Variants in TRPV1 observed in about 807,000 individuals in gnomAD.
The protein encoded by TRPV1 is OTRPC1.
A neutral mutation model predicts 82.3 loss-of-function variants in TRPV1; 82 were observed. That is an observed-to-expected ratio of 1.00 (90% CI 0.83 to 1.20). The LOEUF (loss-of-function observed/expected upper bound fraction) is 1.20, where lower values mean the gene tolerates loss of function less well. TRPV1 is among the 50% of genes most tolerant of loss of function. TRPV1 has a pLI of 0.00. For missense variants in TRPV1, 1,067 were observed against 1,096.8 expected (o/e 0.97, Z 0.38); for synonymous variants, 515 against 467.7 (o/e 1.10, Z -1.30).
chr17:3,569,919 T>TGGTCAGGGAGGAGGGGCCAAGG lies in TRPV1; in HGVS notation c.2347+1583_2347+1604dup, dbSNP rs1402476265. ...AAGGGGTTAGGGGCCAGGGGCCAAG[T>TGGTCAGGGAGGAGGGGCCAAGG]GGTCAGGGAGGAGGGGCCAAGGGGT... On this transcript the variant is annotated intron_variant, in intron 16 of 16. Coordinates refer to ENST00000572705, the MANE Select transcript of TRPV1 (RefSeq NM_080704.4). 3.8e-3 allele frequency among the ~76,000 whole-genome samples: 203 copies of TGGTCAGGGAGGAGGGGCCAAGG among 53,058 alleles called. 19 individuals are homozygous for TGGTCAGGGAGGAGGGGCCAAGG. Among genetic ancestry groups the TGGTCAGGGAGGAGGGGCCAAGG allele is most frequent in the East Asian group, 0.017 (17 of 988 alleles). 34.8% of individuals were successfully genotyped at this position (53,058 alleles called of 152,430 possible). A position where few individuals can be genotyped will look rare whatever the true frequency, so the allele number is the denominator to read the frequency against.
chr17:3,580,714 T>C (rs1039059172), intron 10 of TRPV1, among the ~76,000 whole-genome samples, 187 bp from the exon 11 acceptor site: 1 of 152,088 alleles, frequency 6.6e-6, no homozygotes, highest in Non-Finnish European at 1.5e-5. Context: ...TCAGTAGAGA[T>C]GGTTAAAAAT....
chr17:3,587,852 T>C (rs2075103453), intron 8 of TRPV1, among the ~76,000 whole-genome samples: 1 of 105,402 alleles, frequency 9.5e-6, no homozygotes, highest in South Asian at 3.0e-4. Context: ...TGCCATCAAG[T>C]GAAAAAAAAA....
chr17:3,603,813 AC>A (rs1250069297), intron 2 of TRPV1, among the ~76,000 whole-genome samples: 1 of 152,182 alleles, frequency 6.6e-6, no homozygotes, highest in African/African-American at 2.4e-5. Flanking sequence ...ACTTTCAAAG[AC>A]TTGGCCTGTC....
chr17:3,598,418 T>C (rs1436506607), intron 2 of TRPV1, among the ~76,000 whole-genome samples: 2 of 152,108 alleles, frequency 1.3e-5, no homozygotes, highest in Admixed American at 1.3e-4. Context: ...GAGACTGTCA[T>C]ACCCATTTTA....
At chr17:3,571,334 T>C (rs866973165) in intron 16 of TRPV1, among the ~76,000 whole-genome samples, 190 bp downstream of exon 16, 4 of 152,168 alleles carry the variant, frequency 2.6e-5, no homozygotes, top group Admixed American at 6.5e-5. Flanking sequence ...CCGTCAGCCG[T>C]GACAGCATGA....
At chr17:3,571,755 C>T (rs577169267) in intron 15 of TRPV1, 116 bp from the exon 16 acceptor site, 20 of 788,844 alleles carry the variant, frequency 2.5e-5, no homozygotes, top group Admixed American at 1.2e-4. Context: ...TGTGGTGGGT[C>T]GGGGAGGGCA....
chr17:3,592,279 G>C lies in TRPV1; in HGVS notation c.72C>G (p.Pro24=). The change falls in exon 3 of 17, where the codon CCC becomes CCG. Residue 24 remains proline, a synonymous_variant. Transcript: ENST00000572705. ...DPLQKDTCPD[P]LDGDPNSRPP... is the part of the protein sequence containing the mutation. ...GCCTGGAGTTAGGGTCTCCATCCAGGGGGTCTGGGCAGGTGTCCTTTTGGA... is the reference window on the plus strand; with the variant it reads ...GCCTGGAGTTAGGGTCTCCATCCAGCGGGTCTGGGCAGGTGTCCTTTTGGA... 6.2e-7 allele frequency: 1 copy of C among 1,605,738 alleles called. No homozygotes were observed.
chr17:3,572,208 C>G lies in TRPV1; in HGVS notation c.2145G>C (p.Lys715Asn). The G allele has an allele frequency of 6.2e-7, 1 of 1,611,904 alleles. No homozygotes were observed. Among genetic ancestry groups the G allele is most frequent in the Middle Eastern group, 1.7e-4 (1 of 6,060 alleles). ...TILDTEKSFL[K>N]CMRKAFRSGK... ...CTGAGCGGAAGGCCTTCCTCATGCA[C>G]TTAAGGAAGCTCTTCTCCGTGTCCA... The change falls in exon 15 of 17, where the codon AAG becomes AAC. Residue 715 changes from lysine to asparagine, a missense_variant. Transcript: ENST00000572705.
intron 10 of TRPV1, 99 bp downstream of exon 10, chr17:3,583,239 T>C (rs1425097250): frequency 9.6e-7 from 1 of 1,038,234 alleles, no homozygotes; most frequent in Non-Finnish European, 1.4e-6. Context: ...AGGGCTATGA[T>C]GTGTCTGATG....
At chr17:3,568,070 C>G (rs2074794304) in intron 16 of TRPV1, among the ~76,000 whole-genome samples, 1 of 152,182 alleles carries the variant, frequency 6.6e-6, no homozygotes, top group East Asian at 1.9e-4. Flanking sequence ...CGCCTGTAAT[C>G]CCAGCACTGT....
At chr17:3,568,815 G>T (rs976118694) in intron 16 of TRPV1, among the ~76,000 whole-genome samples, 2 of 152,058 alleles carry the variant, frequency 1.3e-5, no homozygotes, top group Admixed American at 6.6e-5. Context: ...ACCAAGGTGC[G>T]CAGATCACCT....
At position 3,566,497 on chromosome 17, in the gene TRPV1, A is replaced by T; in HGVS notation, c.*318T>A. On this transcript the variant is annotated 3_prime_UTR_variant, in exon 17 of 17. Transcript: ENST00000572705. ...TGAGAAGAGTGAAATTCTGTCTCAA[A>T]AAAAAGAATAAAATCAAAGAAAACA... 5.3e-6 allele frequency: 1 copy of T among 190,172 alleles called. No homozygotes were observed. The highest frequency in any genetic ancestry group is 1.1e-5 in the Non-Finnish European group (1 of 93,528). The allele number at this position is 190,172 out of a possible 1,614,324, so 11.8% of individuals were successfully genotyped here.
intron 2 of TRPV1, among the ~76,000 whole-genome samples, chr17:3,596,301 A>G (rs558473834): frequency 8.6e-6 from 1 of 116,206 alleles, no homozygotes; most frequent in East Asian, 2.0e-4. Context: ...CAAAGCATCC[A>G]TCCATCCATC....
chr17:3,591,880 C>A (rs924949096), intron 3 of TRPV1, among the ~76,000 whole-genome samples, 187 bp downstream of exon 3: 11 of 152,232 alleles, frequency 7.2e-5, no homozygotes, highest in Non-Finnish European at 1.5e-4. Context: ...AGACCCAGCA[C>A]AGACACCAGC....
intron 7 of TRPV1, chr17:3,588,913 C>T (rs1267009602): frequency 2.0e-6 from 3 of 1,535,726 alleles, no homozygotes; most frequent in African/African-American, 2.7e-5. Context: ...ACGGCGAGGC[C>T]CCAGCTCTAC....
At position 3,592,287 on chromosome 17, in the gene TRPV1, GGCAGGTGTCCTTTTGGAGTGGGTCC is replaced by G. The variant is rs1567672205; in HGVS notation, c.39_63del (p.Asp14GlnfsTer139). ...TTAGGGTCTCCATCCAGGGGGTCTGGGCAGGTGTCCTTTTGGAGTGGGTCCGCAGCTGCCCCCAAGTCTGTGCTGC... is the reference window on the plus strand; with the variant it reads ...TTAGGGTCTCCATCCAGGGGGTCTGGGCAGCTGCCCCCAAGTCTGTGCTGC... On this transcript the variant is annotated frameshift_variant, in exon 3 of 17. Coordinates refer to ENST00000572705, the MANE Select transcript of TRPV1 (RefSeq NM_080704.4). LOFTEE classifies it high-confidence loss of function. The G allele has an allele frequency of 1.2e-6, 2 of 1,604,166 alleles. No homozygotes were observed. Among genetic ancestry groups the G allele is most frequent in the South Asian group, 2.2e-5 (2 of 89,680 alleles).
chr17:3,576,179 G>C (rs542795410), intron 13 of TRPV1, among the ~76,000 whole-genome samples: 3 of 151,958 alleles, frequency 2.0e-5, no homozygotes, highest in Non-Finnish European at 4.4e-5. Flanking sequence ...CTGAGATGGC[G>C]CCACTGCACT....
chr17:3,585,154 CTTT>C (rs11390232), intron 9 of TRPV1: 2 of 147,374 alleles, frequency 1.4e-5, no homozygotes, highest in African/African-American at 2.5e-5. Flanking sequence ...CGTGATTTTT[CTTT>C]TTTTTTTTTT....
rs1156641479 is a variant in TRPV1 at position 3,577,131 on chromosome 17, GA to G, written c.1774del (p.Ser592ProfsTer5). Reference sequence around the variant, plus strand: ...GCGCTGACCAAGCTCATTACCTGTGGAAAACCCGAACAAGAAGACGATGTAG... The same window carrying G: ...GCGCTGACCAAGCTCATTACCTGTGGAAACCCGAACAAGAAGACGATGTAG... The part of the protein sequence containing the change: ...FVYIVFLFGF[S>X]TAVVTLIEDG... On this transcript the variant is annotated frameshift_variant, in exon 13 of 17. Coordinates refer to ENST00000572705, the MANE Select transcript of TRPV1 (RefSeq NM_080704.4). LOFTEE classifies it high-confidence loss of function. 3 of 1,584,686 alleles carry G rather than the reference GA, an allele frequency of 1.9e-6. No homozygotes were observed. Among genetic ancestry groups the G allele is most frequent in the Admixed American group, 3.6e-5 (2 of 55,200 alleles).
Sources: allele counts gnomAD v4.1 joint callset (sites outside exome capture counted in the v4.1 genomes callset), GRCh38; gene constraint gnomAD v4.1.1; transcripts MANE v1.5; gene names NCBI Gene and HGNC (gene_info 2026-07-23, HGNC 2026-07-21).